TCP11L2: variants seen among roughly 807,000 people sequenced by gnomAD.
The protein encoded by TCP11L2 is t-complex 11 like 2.
In TCP11L2, 39 loss-of-function variants were observed where a neutral mutation model predicts 50.7. The ratio of observed to expected loss-of-function variants is 0.77; its 90% CI spans 0.60 to 1.01. The LOEUF is 1.01. Ranked by LOEUF, TCP11L2 falls within the 50% of genes least tolerant of loss-of-function variation. The probability of loss-of-function intolerance (pLI) is 0.00; values close to 1 mark genes in which losing one functional copy is unlikely to be tolerated. For missense variants in TCP11L2, 612 were observed against 614.7 expected (o/e 1.00, Z 0.05); for synonymous variants, 192 against 219.3 (o/e 0.88, Z 1.10).
At chr12:106,321,338 T>C (rs2035326476) in intron 4 of TCP11L2, 148 bp from the exon 5 acceptor site, 1 of 655,938 alleles carries the variant, frequency 1.5e-6, no homozygotes, top group African/African-American at 1.8e-5. Context: ...AATGCTCCTC[T>C]GATCCACCCA....
intron 6 of TCP11L2, chr12:106,329,184 T>G (rs762994149): frequency 2.1e-6 from 2 of 935,886 alleles, no homozygotes; most frequent in Non-Finnish European, 3.2e-6. Context: ...TCTCCCTTAC[T>G]AGACTAGGAA....
intron 6 of TCP11L2, among the ~76,000 whole-genome samples, chr12:106,331,388 T>TTAGCC (rs1174129238): frequency 1.3e-5 from 2 of 152,198 alleles, no homozygotes; most frequent in Admixed American, 6.5e-5. Context: ...ACCCCACTGC[T>TTAGCC]TAGCCTACTC....
At chr12:106,331,552 AGGG>A (rs1188994493) in intron 6 of TCP11L2, among the ~76,000 whole-genome samples, 2 of 152,252 alleles carry the variant, frequency 1.3e-5, no homozygotes, top group African/African-American at 4.8e-5. Context: ...GCTAACACTT[AGGG>A]GACATTTCCT....
At chr12:106,342,927 G>T (rs2036131364) in intron 9 of TCP11L2, among the ~76,000 whole-genome samples, 1 of 152,196 alleles carries the variant, frequency 6.6e-6, no homozygotes, top group African/African-American at 2.4e-5. Flanking sequence ...GAAGCTGAGG[G>T]CTAGGAGATT....
At chr12:106,317,612 T>G (rs1007286084) in intron 3 of TCP11L2, among the ~76,000 whole-genome samples, 3 of 152,184 alleles carry the variant, frequency 2.0e-5, no homozygotes, top group African/African-American at 7.2e-5. Flanking sequence ...CTAGGCACAA[T>G]GGTAAGTACC....
Position 106,317,880 on chromosome 12 carries a change from T to G in TCP11L2, c.294-464T>G, listed in dbSNP as rs180906530. On this transcript the variant is annotated intron_variant, in intron 3 of 9. Transcript: ENST00000299045. ...ATTTCACCAGTTTGGTCTGGCTAAC[T>G]TTAAATGGGACACCTAAGTCTGAAG... Among the ~76,000 whole-genome samples, 55 of 152,382 alleles carry G rather than the reference T, an allele frequency of 3.6e-4. 1 individual carries two copies. Among genetic ancestry groups the G allele is most frequent in the African/African-American group, 1.3e-3 (53 of 41,592 alleles).
At chr12:106,310,657 A>G (rs774525679) in intron 1 of TCP11L2, among the ~76,000 whole-genome samples, 1 of 152,232 alleles carries the variant, frequency 6.6e-6, no homozygotes, top group Non-Finnish European at 1.5e-5. Context: ...CCAAGGTCTC[A>G]TGGCAAAAGG....
chr12:106,329,287 CAAAT>C, intron 6 of TCP11L2: 1 of 1,535,874 alleles, frequency 6.5e-7, no homozygotes, highest in African/African-American at 1.4e-5. Flanking sequence ...TGGTTTTCGT[CAAAT>C]AAACGAATGA....
chr12:106,313,153 A>G (rs1445050495), intron 2 of TCP11L2, among the ~76,000 whole-genome samples: 1 of 152,206 alleles, frequency 6.6e-6, no homozygotes, highest in African/African-American at 2.4e-5. Flanking sequence ...TTCTTTACTT[A>G]AATTATCTCA....
At chr12:106,343,323 G>A (rs116732670) in intron 9 of TCP11L2, among the ~76,000 whole-genome samples, 2,269 of 152,262 alleles carry the variant, frequency 0.015, 69 homozygotes, top group African/African-American at 0.052. Flanking sequence ...GCCTCTGAAG[G>A]TCAGGCAACT....
intron 6 of TCP11L2, chr12:106,324,264 G>C (rs2035459962): frequency 6.6e-6 from 1 of 152,124 alleles, no homozygotes; most frequent in African/African-American, 2.4e-5. Flanking sequence ...AAATGAGGAA[G>C]GGGCATGTAA....
chr12:106,316,366 A>G (rs960496515), intron 3 of TCP11L2, among the ~76,000 whole-genome samples: 1 of 152,132 alleles, frequency 6.6e-6, no homozygotes, highest in South Asian at 2.1e-4. Context: ...GCATTTTCCT[A>G]TGGCCTGGAT....
chr12:106,330,282 A>G, intron 6 of TCP11L2: 2 of 985,306 alleles, frequency 2.0e-6, no homozygotes, highest in Non-Finnish European at 2.4e-6. Context: ...CAAAGTTAGA[A>G]GAACTACTTA....
At chr12:106,319,699 A>G (rs746330780) in intron 4 of TCP11L2, among the ~76,000 whole-genome samples, 24 of 152,346 alleles carry the variant, frequency 1.6e-4, no homozygotes, top group Non-Finnish European at 1.2e-4. Flanking sequence ...TTATCAGAAC[A>G]CTGTACAGTA....
intron 6 of TCP11L2, 32 bp from the exon 7 acceptor site, chr12:106,335,607 G>A (rs2035889332): frequency 6.2e-7 from 1 of 1,607,342 alleles, no homozygotes; most frequent in Non-Finnish European, 8.5e-7. Flanking sequence ...TCAATCAGCT[G>A]TAGAACAAAT....
chr12:106,346,514 C>T lies in TCP11L2; in HGVS notation c.1544C>T (p.Ser515Leu), dbSNP rs1272997817. The T allele has an allele frequency of 6.2e-7, 1 of 1,612,984 alleles. No homozygotes were observed. Among genetic ancestry groups the T allele is most frequent in the South Asian group, 1.1e-5 (1 of 91,044 alleles). The change falls in exon 10 of 10, where the codon TCA becomes TTA. Residue 515 changes from serine (S) to leucine (L), a missense_variant. Coordinates refer to ENST00000299045, the MANE Select transcript of TCP11L2 (RefSeq NM_152772.3). The part of the protein sequence containing the change: ...NEEAMGKVDA[S>L]PPTN ...GAAGCCATGGGGAAGGTAGATGCTT[C>T]ACCTCCTACTAACTAAAGAAGAACT...
chr12:106,329,932 G>A (rs2035688337), intron 6 of TCP11L2: 1 of 985,796 alleles, frequency 1.0e-6, no homozygotes, highest in Admixed American at 6.1e-5. Context: ...TGTTGCTTTA[G>A]TGTGGCAAAC....
chr12:106,322,082 G>T (rs966424677), intron 5 of TCP11L2, among the ~76,000 whole-genome samples: 2 of 152,170 alleles, frequency 1.3e-5, no homozygotes, highest in Non-Finnish European at 2.9e-5. Context: ...TTTAGTCAAG[G>T]CTTCTTTATT....
At chr12:106,315,997 C>T (rs1333495645) in intron 3 of TCP11L2, among the ~76,000 whole-genome samples, 1 of 152,202 alleles carries the variant, frequency 6.6e-6, no homozygotes, top group Non-Finnish European at 1.5e-5. Flanking sequence ...AATGTAATAA[C>T]TCTTCTTCTT....
Sources: gnomAD v4.1 joint callset for allele counts (sites outside exome capture counted in the v4.1 genomes callset) on GRCh38, gnomAD v4.1.1 for gene constraint, MANE v1.5 for transcripts, NCBI Gene and HGNC (gene_info 2026-07-23, HGNC 2026-07-21) for gene names.